POTEH: variants seen among roughly 807,000 people sequenced by gnomAD.
POTEH encodes ANKRD26-like family C member 3.
A neutral mutation model predicts 41.7 loss-of-function variants in POTEH; 6 were observed. The ratio of observed to expected loss-of-function variants is 0.14; its 90% confidence interval spans 0.08 to 0.28. POTEH has a LOEUF of 0.28. Among genes scored for constraint, POTEH ranks in the 10% least tolerant of loss-of-function variants. POTEH has a pLI of 1.00. For synonymous variants in POTEH, 38 were observed against 179.9 expected (o/e 0.21, Z 6.31); for missense variants, 115 against 533.5 (o/e 0.22, Z 7.73).
chr22:15,692,009 A>ATATATATATATATAATC (rs1421248855), intron 1 of POTEH, among the ~76,000 whole-genome samples: 1 of 128,590 alleles, frequency 7.8e-6, no homozygotes, highest in African/African-American at 2.7e-5. Flanking sequence ...TATATATATA[A>ATATATATATATATAATC]ATTTCTTTTT....
intron 9 of POTEH, among the ~76,000 whole-genome samples, chr22:15,713,647 G>T (rs1989866880): frequency 6.6e-6 from 1 of 152,286 alleles, no homozygotes; most frequent in Non-Finnish European, 1.5e-5. Context: ...TTACAGGTGT[G>T]TGACACCATA....
intron 1 of POTEH, among the ~76,000 whole-genome samples, chr22:15,692,506 A>G (rs1328915855): frequency 1.4e-5 from 2 of 139,096 alleles, no homozygotes; most frequent in Non-Finnish European, 3.2e-5. Context: ...CTGTTACCCC[A>G]GCACTTTAGG....
At chr22:15,708,720 C>T (rs1357945052) in intron 7 of POTEH, among the ~76,000 whole-genome samples, 2 of 92,108 alleles carry the variant, frequency 2.2e-5, no homozygotes, top group African/African-American at 1.0e-4. Context: ...GCTAATCTTT[C>T]CTTTTGGAAT....
chr22:15,691,985 C>CATATATATATATAT lies in POTEH; in HGVS notation c.632+1286_632+1299dup, dbSNP rs142856307. On this transcript the variant is annotated intron_variant, in intron 1 of 10. Transcript: ENST00000343518. ...AAGTGCCTATTTACATATGCAGATA[C>CATATATATATATAT]ATATATATATATATATATATATAAA... Among the ~76,000 whole-genome samples the CATATATATATATAT allele has an allele frequency of 4.1e-4, 51 of 124,460 alleles. 1 individual carries two copies. In the East Asian group the frequency reaches 9.1e-3, roughly 22 times the overall value. 81.7% of individuals were successfully genotyped at this position (124,460 alleles called of 152,430 possible).
At chr22:15,705,393 A>T (rs1268308146) in intron 6 of POTEH, among the ~76,000 whole-genome samples, 5 of 125,308 alleles carry the variant, frequency 4.0e-5, no homozygotes, top group Admixed American at 8.3e-5. Context: ...TGCTTTTTTC[A>T]TTTGTTTAGC....
At chr22:15,692,875 T>C (rs1410531432) in intron 1 of POTEH, among the ~76,000 whole-genome samples, 1 of 128,592 alleles carries the variant, frequency 7.8e-6, no homozygotes, top group Non-Finnish European at 1.8e-5. Flanking sequence ...ACTTTAGTGG[T>C]AAGAACCACA....
At chr22:15,699,553 T>G (rs1989518099) in intron 4 of POTEH, 1 of 212,734 alleles carries the variant, frequency 4.7e-6, no homozygotes, top group African/African-American at 2.4e-5. Context: ...AATATATCCT[T>G]CAAAGTTTGC....
Position 15,719,647 on chromosome 22 carries a change from A to ATT in POTEH, c.1521-6_1521-5dup. ...CACCTCCAGTATTTCATGAAAATTA[A>ATT]TTTTTTTTCTAGTGATGAACAAAAT... On this transcript the variant is annotated splice_polypyrimidine_tract_variant and intron_variant, in intron 9 of 10. Coordinates refer to ENST00000343518, the MANE Select transcript of POTEH (RefSeq NM_001136213.1). 1.9e-6 allele frequency: 1 copy of ATT among 519,502 alleles called. No individual in the cohort carries two copies. Among genetic ancestry groups the ATT allele is most frequent in the Non-Finnish European group, 3.5e-6 (1 of 289,824 alleles). The allele number at this position is 519,502 out of a possible 1,614,324, so 32.2% of individuals were successfully genotyped here.
intron 9 of POTEH, among the ~76,000 whole-genome samples, chr22:15,711,714 TTACA>T (rs1224125600): frequency 6.6e-6 from 1 of 151,180 alleles, no homozygotes; most frequent in African/African-American, 2.4e-5. Context: ...TGTAGATATG[TTACA>T]TACATACTTA....
chr22:15,699,713 C>G (rs1462431352), intron 4 of POTEH: 1 of 243,646 alleles, frequency 4.1e-6, no homozygotes, highest in Admixed American at 5.2e-5. Context: ...GTTATTTTAC[C>G]CCCTAGCTGA....
intron 10 of POTEH, among the ~76,000 whole-genome samples, chr22:15,720,107 TA>T (rs3047219): frequency 2.3e-3 from 132 of 57,056 alleles, no homozygotes; most frequent in Admixed American, 4.6e-3. Flanking sequence ...TTAGTTTTGT[TA>T]AAAAATGTTA....
chr22:15,708,139 T>TA (rs1569287520), intron 7 of POTEH, 49 bp downstream of exon 7: 1 of 575,892 alleles, frequency 1.7e-6, no homozygotes, highest in African/African-American at 3.2e-5. Context: ...TTTTTATTTT[T>TA]TTTTTTTTTG....
rs1307409722 is a variant in POTEH at position 15,692,038 on chromosome 22, C to T, written c.632+1329C>T. Among the ~76,000 whole-genome samples the T allele has an allele frequency of 1.4e-5, 2 of 137,992 alleles. 1 individual carries two copies. Among genetic ancestry groups the T allele is most frequent in the Non-Finnish European group, 3.2e-5 (2 of 62,004 alleles). 90.5% of individuals were successfully genotyped at this position (137,992 alleles called of 152,430 possible). A position where few individuals can be genotyped will look rare whatever the true frequency, so the allele number is the denominator to read the frequency against. On this transcript the variant is annotated intron_variant, in intron 1 of 10. Transcript: ENST00000343518. ...TCTTTTTTTTTTTGATGGAGTCTCA[C>T]TCTGTTGCCCAGGCTGGAGTGCAGT...
chr22:15,691,009 A>G (rs1458147143), intron 1 of POTEH, among the ~76,000 whole-genome samples: 4 of 141,256 alleles, frequency 2.8e-5, no homozygotes, highest in Non-Finnish European at 3.2e-5. Context: ...TACAGATTTT[A>G]AAACAATGTT....
intron 8 of POTEH, among the ~76,000 whole-genome samples, chr22:15,710,313 G>A (rs1398823600): frequency 1.7e-4 from 26 of 152,174 alleles, no homozygotes; most frequent in East Asian, 1.5e-3. Context: ...GAGCACCTTC[G>A]TGTTTTTGAT....
rs1191101811 is a variant in POTEH at position 15,692,009 on chromosome 22, A to AATAAATC, written c.632+1302_632+1303insAAATCAT. Among the ~76,000 whole-genome samples the AATAAATC allele has an allele frequency of 9.5e-3, 1,214 of 127,714 alleles. 8 individuals carry two copies. Among genetic ancestry groups the AATAAATC allele is most frequent in the African/African-American group, 0.032 (1,166 of 36,702 alleles). The allele number at this position is 127,714 out of a possible 152,430, so 83.8% of individuals were successfully genotyped here. A position where few individuals can be genotyped will look rare whatever the true frequency, so the allele number is the denominator to read the frequency against. On this transcript the variant is annotated intron_variant, in intron 1 of 10. Coordinates refer to ENST00000343518, the MANE Select transcript of POTEH (RefSeq NM_001136213.1). ...ACATATATATATATATATATATATA[A>AATAAATC]ATTTCTTTTTTTTTTTGATGGAGTC...
intron 9 of POTEH, among the ~76,000 whole-genome samples, chr22:15,714,579 TC>T (rs1444714695): frequency 6.6e-6 from 1 of 152,024 alleles, no homozygotes; most frequent in Non-Finnish European, 1.5e-5. Context: ...GAATGCTTTT[TC>T]CCCAGATATT....
intron 1 of POTEH, among the ~76,000 whole-genome samples, chr22:15,691,985 C>T (rs201240366): frequency 0.047 from 5,653 of 120,602 alleles, 103 homozygotes; most frequent in African/African-American, 0.086. Flanking sequence ...TATGCAGATA[C>T]ATATATATAT....
intron 9 of POTEH, among the ~76,000 whole-genome samples, chr22:15,714,740 GAAGAAA>G (rs1476879095): frequency 1.4e-5 from 2 of 143,260 alleles, no homozygotes; most frequent in East Asian, 3.9e-4. Context: ...AGAGAAAAAT[GAAGAAA>G]AAGAAAAAGA....
Sources: gnomAD v4.1 joint callset for allele counts (sites outside exome capture counted in the v4.1 genomes callset) on GRCh38, gnomAD v4.1.1 for gene constraint, MANE v1.5 for transcripts, NCBI Gene and HGNC (gene_info 2026-07-23, HGNC 2026-07-21) for gene names.